Variants in ELMO1 observed in about 807,000 individuals in gnomAD.
ELMO1 encodes engulfment and cell motility 1.
In ELMO1, 26 loss-of-function variants were observed where a neutral mutation model predicts 98.9. That is an observed-to-expected ratio of 0.26 (90% CI 0.19 to 0.36). The LOEUF (loss-of-function observed/expected upper bound fraction) is 0.36. Among genes scored for constraint, ELMO1 ranks in the 10% least tolerant of loss-of-function variants. The probability of loss-of-function intolerance (pLI) is 1.00; values close to 1 mark genes in which losing one functional copy is unlikely to be tolerated. For synonymous variants in ELMO1, 346 were observed against 346.0 expected, an observed-to-expected ratio of 1.00 and a Z score of 0.00; for missense variants, 627 against 935.2, an observed-to-expected ratio of 0.67 and a Z score of 4.30.
At chr7:37,065,783 G>A (rs543008285) in intron 15 of ELMO1, among the ~76,000 whole-genome samples, 16 of 152,284 alleles carry the variant, frequency 1.1e-4, no homozygotes, top group African/African-American at 3.6e-4. Flanking sequence ...AACAAGCATA[G>A]AGACACTGCC....
chr7:36,990,054 T>A (rs761581787), intron 16 of ELMO1, among the ~76,000 whole-genome samples: 5 of 152,162 alleles, frequency 3.3e-5, no homozygotes, highest in Non-Finnish European at 7.4e-5. Context: ...AGAAAATAAG[T>A]GACTTGATCG....
At chr7:37,115,709 A>G (rs1258673226) in intron 14 of ELMO1, among the ~76,000 whole-genome samples, 1 of 151,378 alleles carries the variant, frequency 6.6e-6, no homozygotes, top group African/African-American at 2.4e-5. Flanking sequence ...CGCTCCTATC[A>G]CCCCTATGTA....
intron 16 of ELMO1, among the ~76,000 whole-genome samples, chr7:36,979,531 G>A (rs918384605): frequency 2.6e-5 from 4 of 152,096 alleles, no homozygotes; most frequent in Non-Finnish European, 4.4e-5. Flanking sequence ...TCTAGGACGC[G>A]GCTGTCATCC....
intron 17 of ELMO1, among the ~76,000 whole-genome samples, chr7:36,892,106 A>T (rs1805604530): frequency 6.6e-6 from 1 of 152,132 alleles, no homozygotes; most frequent in Non-Finnish European, 1.5e-5. Context: ...ATTCACATGG[A>T]GTTTACATTT....
intron 16 of ELMO1, among the ~76,000 whole-genome samples, chr7:36,978,395 TCTC>T (rs1225965671): frequency 6.6e-6 from 1 of 150,680 alleles, no homozygotes; most frequent in Non-Finnish European, 1.5e-5. Context: ...AATCACCCCT[TCTC>T]CTCTCTTGAC....
At chr7:37,041,950 G>A (rs1295486954) in intron 15 of ELMO1, among the ~76,000 whole-genome samples, 4 of 152,098 alleles carry the variant, frequency 2.6e-5, no homozygotes, top group Non-Finnish European at 5.9e-5. Flanking sequence ...CACGATATAT[G>A]TAATTGTTTT....
chr7:37,202,336 TTAAG>T (rs200860224), intron 13 of ELMO1, among the ~76,000 whole-genome samples: 2,418 of 152,314 alleles, frequency 0.016, 28 homozygotes, highest in Middle Eastern at 0.031. Flanking sequence ...ACCACAAAAA[TTAAG>T]TGAATGTCAA....
At chr7:37,052,610 G>A (rs1796168111) in intron 15 of ELMO1, among the ~76,000 whole-genome samples, 1 of 152,164 alleles carries the variant, frequency 6.6e-6, no homozygotes, top group African/African-American at 2.4e-5. Flanking sequence ...ACCTATGAAT[G>A]TGATGTTTCA....
At chr7:37,080,768 T>C (rs1335512124) in intron 15 of ELMO1, among the ~76,000 whole-genome samples, 1 of 151,836 alleles carries the variant, frequency 6.6e-6, no homozygotes, top group Non-Finnish European at 1.5e-5. Context: ...AGCCTACTCT[T>C]ATACTATCTT....
rs573582472 is a variant in ELMO1, at chr7:37,374,776, A to G, written c.-73-32013T>C. On this transcript the variant is annotated intron_variant, in intron 1 of 21. Transcript: ENST00000310758. ...AAAATAAATAAATAAATAAATAAAT[A>G]TCTTGGCTGGGCGCAGTGGCTCACG... Among the ~76,000 whole-genome samples the G allele has an allele frequency of 7.4e-5, 11 of 149,626 alleles. No individual in the cohort carries two copies. In the South Asian group the frequency reaches 1.9e-3, roughly 26 times the overall value.
In ELMO1 at chr7:37,250,049, A is replaced by G. The variant is rs564545644; in HGVS notation, c.414-5658T>C. On this transcript the variant is annotated intron_variant, in intron 6 of 21. Transcript: ENST00000310758. ...AGCTATGATTGTGCCACTGCACTCCAGCCTAGGCAACAGAGCAAGACTCTG... is the reference window on the plus strand; with the variant it reads ...AGCTATGATTGTGCCACTGCACTCCGGCCTAGGCAACAGAGCAAGACTCTG... Among the ~76,000 whole-genome samples, 9 of 152,342 alleles carry G rather than the reference A, an allele frequency of 5.9e-5. No individual in the cohort carries two copies. In the East Asian group the frequency reaches 1.7e-3, roughly 29 times the overall value.
At chr7:37,417,713 A>C (rs915286885) in intron 1 of ELMO1, among the ~76,000 whole-genome samples, 9 of 144,748 alleles carry the variant, frequency 6.2e-5, no homozygotes, top group African/African-American at 2.1e-4. Context: ...GTGGTGGCAC[A>C]CACCTGTAGT....
chr7:37,336,175 T>C (rs957901380), intron 2 of ELMO1, among the ~76,000 whole-genome samples: 2 of 151,972 alleles, frequency 1.3e-5, no homozygotes, highest in Non-Finnish European at 2.9e-5. Flanking sequence ...GCAGTGAGCT[T>C]TGATTGAGCC....
At chr7:36,937,978 G>T (rs1786693706) in intron 16 of ELMO1, among the ~76,000 whole-genome samples, 1 of 152,192 alleles carries the variant, frequency 6.6e-6, no homozygotes, top group African/African-American at 2.4e-5. Context: ...AATAATGTCT[G>T]CTTATGGTCG....
Position 36,967,484 on chromosome 7 carries a change from TC to T in ELMO1, c.1437+45814del, listed in dbSNP as rs1240897045. On this transcript the variant is annotated intron_variant, in intron 16 of 21. Coordinates refer to ENST00000310758, the MANE Select transcript of ELMO1 (RefSeq NM_014800.11). Reference sequence around the variant, plus strand: ...GTCCTTGGCTTTTGGGTTGGTCAGTTCAGGAGTCTGTTAAATTGCCACTAGG... The same window carrying T: ...GTCCTTGGCTTTTGGGTTGGTCAGTTAGGAGTCTGTTAAATTGCCACTAGG... Among the ~76,000 whole-genome samples the T allele has an allele frequency of 2.0e-5, 3 of 152,184 alleles. No homozygotes were observed. The South Asian group carries it at 6.2e-4, about 32-fold the overall frequency.
intron 13 of ELMO1, among the ~76,000 whole-genome samples, chr7:37,206,651 C>T (rs1217745304): frequency 6.6e-6 from 1 of 152,094 alleles, no homozygotes; most frequent in East Asian, 1.9e-4. Context: ...GGTAGAAAAT[C>T]CTCTTAAAAA....
At chr7:36,904,795 G>A (rs1389945060) in intron 16 of ELMO1, among the ~76,000 whole-genome samples, 3 of 152,186 alleles carry the variant, frequency 2.0e-5, no homozygotes, top group African/African-American at 4.8e-5. Flanking sequence ...GTTTGGGGTC[G>A]TCGCTTTCTC....
intron 4 of ELMO1, among the ~76,000 whole-genome samples, chr7:37,272,087 A>G (rs867966299): frequency 2.6e-5 from 4 of 152,326 alleles, no homozygotes; most frequent in Middle Eastern, 3.4e-3. Context: ...AAGAAAAGGA[A>G]TATGGGTCCC....
intron 1 of ELMO1, among the ~76,000 whole-genome samples, chr7:37,419,926 T>C (rs568916473): frequency 1.3e-5 from 2 of 152,358 alleles, no homozygotes; most frequent in South Asian, 4.1e-4. Context: ...TCATGCTGTT[T>C]TCACTTATAT....
Sources: gnomAD v4.1 joint callset for allele counts (sites outside exome capture counted in the v4.1 genomes callset) on GRCh38, gnomAD v4.1.1 for gene constraint, MANE v1.5 for transcripts, NCBI Gene and HGNC (gene_info 2026-07-23, HGNC 2026-07-21) for gene names.